The following PSMA1 variants were observed in gnomAD, a reference collection of about 807,000 sequenced individuals.
PSMA1 encodes the protein proteasome 20S subunit alpha 1, also known as proteasome subunit alpha type-1.
In PSMA1, 3 loss-of-function variants were observed where a neutral mutation model predicts 38.4. The observed-to-expected ratio is 0.08, with a 90% CI of 0.04 to 0.20. PSMA1 has a LOEUF of 0.20. Ranked by LOEUF, PSMA1 falls within the 10% of genes least tolerant of loss-of-function variation. PSMA1 has a pLI of 1.00. For synonymous variants in PSMA1, 101 were observed against 107.1 expected (o/e 0.94, Z 0.35); for missense variants, 227 against 325.3 (o/e 0.70, Z 2.32).
intron 1 of PSMA1, among the ~76,000 whole-genome samples, chr11:14,641,309 T>C (rs1417746186): frequency 1.3e-5 from 2 of 152,178 alleles, no homozygotes; most frequent in African/African-American, 2.4e-5. Flanking sequence ...TCATAAATTC[T>C]TGAACCTAAA....
intron 2 of PSMA1, among the ~76,000 whole-genome samples, chr11:14,563,747 C>A (rs972546676): frequency 2.6e-5 from 4 of 152,094 alleles, no homozygotes; most frequent in African/African-American, 9.7e-5. Flanking sequence ...GTTAGGAAGA[C>A]TTTGTTGTCT....
chr11:14,629,440 C>T (rs1455180489), intron 1 of PSMA1, among the ~76,000 whole-genome samples: 1 of 151,992 alleles, frequency 6.6e-6, no homozygotes, highest in African/African-American at 2.4e-5. Context: ...TTCCCCATTG[C>T]TTGTTTTTCT....
At position 14,593,132 on chromosome 11, in the gene PSMA1, A is replaced by T. The variant is rs576443021; in HGVS notation, c.21+17834T>A. On this transcript the variant is annotated intron_variant, in intron 2 of 10. Coordinates refer to the PSMA1 transcript ENST00000418988. Reference sequence around the variant, plus strand: ...CTCACCCACTTCTCATAGCAACCCCAATTAAATAGTACCATAGAATTCCCT... The same window carrying T: ...CTCACCCACTTCTCATAGCAACCCCTATTAAATAGTACCATAGAATTCCCT... 3.9e-5 allele frequency among the ~76,000 whole-genome samples: 6 copies of T among 152,264 alleles called. No individual in the cohort carries two copies. The East Asian group carries it at 1.2e-3, about 29-fold the overall frequency.
chr11:14,511,666 G>C (rs1317669853), intron 7 of PSMA1, among the ~76,000 whole-genome samples: 1 of 152,182 alleles, frequency 6.6e-6, no homozygotes, highest in Non-Finnish European at 1.5e-5. Flanking sequence ...CAGTCTGATA[G>C]AGGGCATCTA....
chr11:14,544,399 T>A (rs999716077), intron 2 of PSMA1, among the ~76,000 whole-genome samples: 4 of 151,490 alleles, frequency 2.6e-5, no homozygotes, highest in Non-Finnish European at 5.9e-5. Flanking sequence ...GCCCACAGAA[T>A]GGAAAAAAAA....
intron 2 of PSMA1, among the ~76,000 whole-genome samples, chr11:14,570,206 G>T (rs2134177483): frequency 6.6e-6 from 1 of 152,310 alleles, no homozygotes; most frequent in South Asian, 2.1e-4. Flanking sequence ...AACCCCATCT[G>T]TATGTCACCA....
rs1270316914 is a variant in PSMA1 at position 14,643,410 on chromosome 11, C to T, written c.-166+45G>A. On this transcript the variant is annotated intron_variant, in intron 1 of 10. Coordinates refer to the PSMA1 transcript ENST00000418988. ...CACAAACGCCCTCTTTCCCGAAGACCCCAGTAGTGACCTGTGGGATTCTGG... is the reference window on the plus strand; with the variant it reads ...CACAAACGCCCTCTTTCCCGAAGACTCCAGTAGTGACCTGTGGGATTCTGG... 2.0e-5 allele frequency: 3 copies of T among 152,126 alleles called. No individual in the cohort carries two copies. In the East Asian group the frequency reaches 5.8e-4, roughly 30 times the overall value. The allele number at this position is 152,126 out of a possible 1,614,324, so 9.4% of individuals were successfully genotyped here.
chr11:14,632,885 T>A (rs1328236160), intron 1 of PSMA1, among the ~76,000 whole-genome samples: 1 of 152,078 alleles, frequency 6.6e-6, no homozygotes, highest in African/African-American at 2.4e-5. Flanking sequence ...ATTTCATTCA[T>A]TTCATCTTCC....
chr11:14,637,223 G>A (rs1237537532), intron 1 of PSMA1, among the ~76,000 whole-genome samples: 3 of 152,124 alleles, frequency 2.0e-5, no homozygotes, highest in African/African-American at 7.2e-5. Context: ...AAATGCCCAT[G>A]ATGTCTCATG....
chr11:14,546,150 CTTTT>C (rs57094424), intron 2 of PSMA1, among the ~76,000 whole-genome samples: 9,611 of 140,506 alleles, frequency 0.068, 577 homozygotes, highest in East Asian at 0.32. Flanking sequence ...CTCTCTCTCT[CTTTT>C]TTTTTTTTTT....
At chr11:14,621,395 C>G (rs1369765996) in intron 1 of PSMA1, among the ~76,000 whole-genome samples, 1 of 151,932 alleles carries the variant, frequency 6.6e-6, no homozygotes, top group Non-Finnish European at 1.5e-5. Context: ...GTAGCTGGGA[C>G]TACAGGCATG....
chr11:14,603,963 T>C (rs1852614180), intron 2 of PSMA1, among the ~76,000 whole-genome samples: 1 of 152,228 alleles, frequency 6.6e-6, no homozygotes, highest in Admixed American at 6.5e-5. Context: ...AACTCTCTTT[T>C]GAGAAAGTTA....
intron 2 of PSMA1, among the ~76,000 whole-genome samples, chr11:14,586,950 C>A (rs568540217): frequency 1.9e-4 from 29 of 152,154 alleles, no homozygotes; most frequent in African/African-American, 6.5e-4. Flanking sequence ...TTAGTAGAGA[C>A]AGGGTTCCAC....
At chr11:14,583,315 A>G (rs1385616901) in intron 2 of PSMA1, among the ~76,000 whole-genome samples, 1 of 152,230 alleles carries the variant, frequency 6.6e-6, no homozygotes, top group Non-Finnish European at 1.5e-5. Context: ...AATTATGAAT[A>G]AATTCCATTG....
intron 2 of PSMA1, among the ~76,000 whole-genome samples, chr11:14,561,814 C>T (rs139190315): frequency 1.3e-3 from 19 of 15,150 alleles, no homozygotes; most frequent in Non-Finnish European, 1.6e-3. Flanking sequence ...CTAAATTAAA[C>T]TAAACTAAAC....
intron 2 of PSMA1, among the ~76,000 whole-genome samples, chr11:14,537,934 C>T (rs1028261267): frequency 2.0e-5 from 3 of 152,016 alleles, no homozygotes; most frequent in African/African-American, 7.2e-5. Flanking sequence ...GTCTCGAACT[C>T]CTGGCCTCAA....
chr11:14,628,949 G>C (rs1186716787), intron 1 of PSMA1, among the ~76,000 whole-genome samples: 2 of 150,856 alleles, frequency 1.3e-5, no homozygotes, highest in Non-Finnish European at 3.0e-5. Flanking sequence ...GTGTTTTTTG[G>C]CTGCATAAAT....
chr11:14,515,335 A>C (rs1472223769), intron 4 of PSMA1, among the ~76,000 whole-genome samples: 1 of 152,218 alleles, frequency 6.6e-6, no homozygotes, highest in Non-Finnish European at 1.5e-5. Context: ...ACAAAATAAC[A>C]TACCAAATTT....
At chr11:14,613,705 C>T (rs2134199814) in intron 1 of PSMA1, among the ~76,000 whole-genome samples, 1 of 152,238 alleles carries the variant, frequency 6.6e-6, no homozygotes, top group South Asian at 2.1e-4. Context: ...TATACCTGTG[C>T]TCATTTTATA....
Sources: allele counts gnomAD v4.1 joint callset (sites outside exome capture counted in the v4.1 genomes callset), GRCh38; gene constraint gnomAD v4.1.1; transcripts MANE v1.5; gene names NCBI Gene and HGNC (gene_info 2026-07-23, HGNC 2026-07-21).